The following FEZ1 variants were observed in gnomAD, a reference collection of about 807,000 sequenced individuals.
FEZ1 encodes fasciculation and elongation protein zeta 1.
FEZ1 carries 20 observed loss-of-function variants against 49.3 expected under a neutral mutation model. The ratio of observed to expected loss-of-function variants is 0.41; its 90% CI spans 0.29 to 0.59. FEZ1 has a LOEUF of 0.59. Among genes scored for constraint, FEZ1 ranks in the 20% least tolerant of loss-of-function variants. The pLI is 0.36. For missense variants in FEZ1, 413 were observed against 476.0 expected, an observed-to-expected ratio of 0.87 and a Z score of 1.23; for synonymous variants, 170 against 180.9, an observed-to-expected ratio of 0.94 and a Z score of 0.48.
intron 7 of FEZ1, chr11:125,453,365 G>T (rs981970204): frequency 1.3e-5 from 2 of 152,158 alleles, no homozygotes; most frequent in Non-Finnish European, 2.9e-5. Context: ...CAAGAGGACT[G>T]GGATCGATGC....
In FEZ1 at chr11:125,479,984, T is replaced by G. The variant is rs73628426; in HGVS notation, c.411+1550A>C. On this transcript the variant is annotated intron_variant, in intron 3 of 9. Coordinates refer to ENST00000278919, the MANE Select transcript of FEZ1 (RefSeq NM_005103.5). ...CAACTCAAAATAAATATCATCTTTATTTTTCAGAAGCCCCTAAGCTACTTT... is the reference window on the plus strand; with the variant it reads ...CAACTCAAAATAAATATCATCTTTAGTTTTCAGAAGCCCCTAAGCTACTTT... 5.2e-3 allele frequency among the ~76,000 whole-genome samples: 785 copies of G among 152,300 alleles called. 9 individuals carry two copies. The highest frequency in any genetic ancestry group is 0.018 in the African/African-American group (734 of 41,558).
At position 125,489,694 on chromosome 11, in the gene FEZ1, C is replaced by T; in HGVS notation, c.84G>A (p.Gln28=). Residue 28 remains glutamine (Q), a synonymous_variant, in exon 2 of 10, where the codon CAG becomes CAA. Transcript: ENST00000278919. The surrounding 1 kb of genome is among the most constrained non-coding windows in gnomAD (Gnocchi z 4.2). ...SCSEDPEEKP[Q]CFYGSSPHHL... Reference sequence around the variant, plus strand: ...GGTGGGGAGATGAACCATAGAAACACTGGGGCTTCTCCTCCGGGTCCTCCG... The same window carrying T: ...GGTGGGGAGATGAACCATAGAAACATTGGGGCTTCTCCTCCGGGTCCTCCG... The T allele has an allele frequency of 6.2e-7, 1 of 1,613,242 alleles. No individual in the cohort carries two copies. The highest frequency in any genetic ancestry group is 1.3e-5 in the African/African-American group (1 of 74,990).
rs538514406 is a variant in FEZ1 at position 125,461,049 on chromosome 11, G to A, written c.499-383C>T. The stretch of plus-strand genomic sequence containing the variant: ...TAACACAAAACCCAGTCCATTAATT[G>A]ACATAATACACGTGACTGTAAAAAA... On this transcript the variant is annotated intron_variant, in intron 4 of 9. Coordinates refer to ENST00000278919, the MANE Select transcript of FEZ1 (RefSeq NM_005103.5). Among the ~76,000 whole-genome samples the A allele has an allele frequency of 3.3e-5, 5 of 152,262 alleles. No homozygotes were observed. In the South Asian group the frequency reaches 8.3e-4, roughly 25 times the overall value.
Position 125,489,197 on chromosome 11 carries a change from C to A in FEZ1, c.311+270G>T. 1 of 1,116,276 alleles carries A rather than the reference C, an allele frequency of 9.0e-7. No individual in the cohort carries two copies. Among genetic ancestry groups the A allele is most frequent in the Non-Finnish European group, 1.1e-6 (1 of 915,942 alleles). The allele number at this position is 1,116,276 out of a possible 1,614,324, so 69.1% of individuals were successfully genotyped here. ...TAAAGAAAGCTTAAGATAGACAGACCCTGAAATTTACTGTGCTCCTGAAAT... is the reference window on the plus strand; with the variant it reads ...TAAAGAAAGCTTAAGATAGACAGACACTGAAATTTACTGTGCTCCTGAAAT... On this transcript the variant is annotated intron_variant, in intron 2 of 9. Transcript: ENST00000278919. The surrounding 1 kb of genome is among the most constrained non-coding windows in gnomAD (Gnocchi z 4.2).
rs1180817367 is a variant in FEZ1 at position 125,459,227 on chromosome 11, T to A, written c.667+1271A>T. On this transcript the variant is annotated intron_variant, in intron 5 of 9. Transcript: ENST00000278919. ...TACACAAGAGTGAGACTGCTTTCTGTCTTTGCAGTCTCTTCAGAGAGTTGT... is the reference window on the plus strand; with the variant it reads ...TACACAAGAGTGAGACTGCTTTCTGACTTTGCAGTCTCTTCAGAGAGTTGT... Among the ~76,000 whole-genome samples, 8 of 152,344 alleles carry A rather than the reference T, an allele frequency of 5.3e-5. No homozygotes were observed. The East Asian group carries it at 1.2e-3, about 22-fold the overall frequency.
intron 3 of FEZ1, among the ~76,000 whole-genome samples, chr11:125,466,799 G>A (rs1330336076): frequency 6.6e-6 from 1 of 152,100 alleles, no homozygotes; most frequent in Non-Finnish European, 1.5e-5. Context: ...TGGAGCCCTT[G>A]ATTCCAATAA....
At chr11:125,491,116 A>G (rs1366162035) in intron 1 of FEZ1, among the ~76,000 whole-genome samples, 1 of 152,012 alleles carries the variant, frequency 6.6e-6, no homozygotes, top group African/African-American at 2.4e-5. Context: ...AGACTAAATG[A>G]TCTATTATCC....
At chr11:125,492,963 A>G in intron 1 of FEZ1, among the ~76,000 whole-genome samples, 1 of 141,780 alleles carries the variant, frequency 7.1e-6, no homozygotes. Flanking sequence ...GTGAGACCCT[A>G]TCTTTAAAAA....
Position 125,479,350 on chromosome 11 carries a change from T to C in FEZ1, c.411+2184A>G, listed in dbSNP as rs569911416. On this transcript the variant is annotated intron_variant, in intron 3 of 9. Transcript: ENST00000278919. ...TTGCTCTTTTACTTGGACTCAATTC[T>C]GAAACACTTAGAAAGATTAGACCCA... Among the ~76,000 whole-genome samples, 17 of 152,352 alleles carry C rather than the reference T, an allele frequency of 1.1e-4. No homozygotes were observed. In the East Asian group the frequency reaches 3.1e-3, roughly 28 times the overall value.
chr11:125,459,111 T>C (rs2135748358), intron 5 of FEZ1, among the ~76,000 whole-genome samples: 1 of 151,982 alleles, frequency 6.6e-6, no homozygotes, highest in South Asian at 2.1e-4. Context: ...CATAATCATC[T>C]CTCATTGTTC....
intron 5 of FEZ1, among the ~76,000 whole-genome samples, chr11:125,459,430 A>G (rs1270278156): frequency 6.6e-6 from 1 of 151,976 alleles, no homozygotes; most frequent in Non-Finnish European, 1.5e-5. Flanking sequence ...CATCTCTACT[A>G]AAAACACAAA....
chr11:125,491,748 G>A (rs763531773), intron 1 of FEZ1, among the ~76,000 whole-genome samples: 15 of 152,166 alleles, frequency 9.9e-5, no homozygotes, highest in Non-Finnish European at 1.5e-4. Flanking sequence ...AGTTTGTACC[G>A]GGATTTTGCT....
intron 3 of FEZ1, 45 bp downstream of exon 3, chr11:125,481,489 T>C (rs377336529): frequency 6.7e-6 from 7 of 1,045,430 alleles, no homozygotes; most frequent in African/African-American, 1.6e-5. Context: ...TCTAACTGGA[T>C]TCCACATCTC....
rs559639674 is a variant in FEZ1 at position 125,481,621 on chromosome 11, A to G, written c.324T>C (p.Ala108=). The G allele has an allele frequency of 4.3e-6, 7 of 1,609,234 alleles. No homozygotes were observed. Among genetic ancestry groups the G allele is most frequent in the Non-Finnish European group, 4.3e-6 (5 of 1,175,770 alleles). Residue 108 remains alanine, a synonymous_variant, in exon 3 of 10, where the codon GCT becomes GCC. Transcript: ENST00000278919. ...GTGAAGGGATGTAATTGTCTGTCAGAGCATCCCAAACCCTGTAAACAAAGA... is the reference window on the plus strand; with the variant it reads ...GTGAAGGGATGTAATTGTCTGTCAGGGCATCCCAAACCCTGTAAACAAAGA... ...ETLQDEEVWD[A]LTDNYIPSLS... is the part of the protein sequence containing the mutation.
intron 5 of FEZ1, among the ~76,000 whole-genome samples, chr11:125,456,775 T>C (rs1444867215): frequency 6.6e-6 from 1 of 152,256 alleles, no homozygotes; most frequent in Admixed American, 6.5e-5. Flanking sequence ...CTCCTAAGAC[T>C]TCTTTCATTT....
intron 5 of FEZ1, among the ~76,000 whole-genome samples, chr11:125,457,436 A>G (rs1156719187): frequency 2.7e-5 from 2 of 74,130 alleles, no homozygotes; most frequent in African/African-American, 4.8e-5. Flanking sequence ...AAAAATATAT[A>G]TATATATATA....
chr11:125,478,506 A>T (rs1349585537), intron 3 of FEZ1, among the ~76,000 whole-genome samples: 1 of 152,212 alleles, frequency 6.6e-6, no homozygotes, highest in African/African-American at 2.4e-5. Context: ...CACTAGAGAG[A>T]AGCATCACAG....
At chr11:125,454,898 C>A (rs1450237015) in intron 6 of FEZ1, among the ~76,000 whole-genome samples, 1 of 150,860 alleles carries the variant, frequency 6.6e-6, no homozygotes, top group Admixed American at 6.6e-5. Flanking sequence ...CCTGTAATCC[C>A]GGCGACTCAG....
chr11:125,483,704 T>G (rs1957304048), intron 2 of FEZ1, among the ~76,000 whole-genome samples: 1 of 152,234 alleles, frequency 6.6e-6, no homozygotes, highest in South Asian at 2.1e-4. Flanking sequence ...ACCTTCAGAT[T>G]TGTCCCTGCA....
Sources: allele counts gnomAD v4.1 joint callset (sites outside exome capture counted in the v4.1 genomes callset), GRCh38; gene constraint gnomAD v4.1.1; non-coding constraint Gnocchi (gnomAD v3.1); transcripts MANE v1.5; gene names NCBI Gene and HGNC (gene_info 2026-07-23, HGNC 2026-07-21).